Variants in SCFD1 observed in about 807,000 individuals in gnomAD.
SCFD1 encodes the protein sec1 family domain containing 1.
SCFD1 carries 37 observed loss-of-function variants against 103.2 expected under a neutral mutation model. The ratio of observed to expected loss-of-function variants is 0.36; its 90% CI spans 0.28 to 0.47. SCFD1 has a LOEUF of 0.47. SCFD1 is among the 20% of genes least tolerant of loss of function. The pLI is 1.00. For missense variants in SCFD1, 639 were observed against 761.2 expected, an observed-to-expected ratio of 0.84 and a Z score of 1.89; for synonymous variants, 264 against 245.0, an observed-to-expected ratio of 1.08 and a Z score of -0.73.
intron 1 of SCFD1, among the ~76,000 whole-genome samples, chr14:30,622,630 T>C (rs1594530266): frequency 6.6e-6 from 1 of 152,144 alleles, no homozygotes; most frequent in Non-Finnish European, 1.5e-5. Context: ...GCTACGGCCC[T>C]GCTCTTGTCT....
At chr14:30,692,665 G>A (rs375875589) in intron 14 of SCFD1, among the ~76,000 whole-genome samples, 3 of 152,270 alleles carry the variant, frequency 2.0e-5, no homozygotes, top group East Asian at 3.9e-4. Context: ...TGTGACTAGC[G>A]GAAACTGAAT....
rs375071891 is a variant in SCFD1 at position 30,634,598 on chromosome 14, T to C, written c.312+561T>C. 5.9e-5 allele frequency among the ~76,000 whole-genome samples: 9 copies of C among 152,330 alleles called. No homozygotes were observed. The South Asian group carries it at 1.9e-3, about 32-fold the overall frequency. ...TACTGGTAAAGTCTGAGTCTGGCTT[T>C]AACAAACAGAAAGCCTAGGTATATT... On this transcript the variant is annotated intron_variant, in intron 4 of 24. Transcript: ENST00000458591.
At chr14:30,718,987 G>A (rs1046066959) in intron 20 of SCFD1, among the ~76,000 whole-genome samples, 7 of 152,166 alleles carry the variant, frequency 4.6e-5, no homozygotes, top group Non-Finnish European at 2.9e-5. Flanking sequence ...AAGAACTTGG[G>A]CATTGAAAAT....
chr14:30,628,312 G>T, intron 2 of SCFD1, 33 bp downstream of exon 2: 5 of 1,428,572 alleles, frequency 3.5e-6, no homozygotes, highest in Non-Finnish European at 4.9e-6. Flanking sequence ...ACTGATTTCT[G>T]TTTTTCTCAG....
chr14:30,719,973 G>T (rs971615455), intron 21 of SCFD1, among the ~76,000 whole-genome samples: 2 of 133,176 alleles, frequency 1.5e-5, no homozygotes, highest in Non-Finnish European at 3.2e-5. Context: ...GGGGGGTGGG[G>T]GGCGGGAATA....
At chr14:30,675,548 G>T (rs529445185) in intron 14 of SCFD1, among the ~76,000 whole-genome samples, 1 of 152,090 alleles carries the variant, frequency 6.6e-6, no homozygotes, top group Non-Finnish European at 1.5e-5. Flanking sequence ...AAGTATGTTG[G>T]GAGTTCTATA....
intron 23 of SCFD1, among the ~76,000 whole-genome samples, chr14:30,728,323 A>G (rs1167150024): frequency 6.6e-6 from 1 of 152,240 alleles, no homozygotes; most frequent in Non-Finnish European, 1.5e-5. Flanking sequence ...AGTCTGTGGT[A>G]GATAATGGTT....
At chr14:30,625,227 G>T (rs202155596) in intron 1 of SCFD1, among the ~76,000 whole-genome samples, 5,936 of 120,910 alleles carry the variant, frequency 0.049, 145 homozygotes, top group East Asian at 0.086. Context: ...TTGAATGAAT[G>T]AATAGTGTGT....
chr14:30,710,194 ATC>A (rs1891766256), intron 19 of SCFD1, among the ~76,000 whole-genome samples: 1 of 152,038 alleles, frequency 6.6e-6, no homozygotes, highest in Admixed American at 6.6e-5. Flanking sequence ...ATGATCTTAC[ATC>A]TCTGTTTTTT....
intron 11 of SCFD1, 56 bp from the exon 12 acceptor site, chr14:30,673,201 C>T: frequency 1.3e-6 from 1 of 750,290 alleles, no homozygotes; most frequent in South Asian, 2.1e-5. Flanking sequence ...TTAGAATTTA[C>T]ACAAAAATTG....
chr14:30,666,616 G>A (rs1887996900), intron 10 of SCFD1, among the ~76,000 whole-genome samples: 1 of 152,080 alleles, frequency 6.6e-6, no homozygotes, highest in Non-Finnish European at 1.5e-5. Flanking sequence ...TCCAGGAGCT[G>A]GTTTTTTGAA....
At chr14:30,733,067 G>A (rs927253608) in intron 23 of SCFD1, among the ~76,000 whole-genome samples, 9 of 150,644 alleles carry the variant, frequency 6.0e-5, no homozygotes, top group South Asian at 2.1e-4. Context: ...GTGCAGTGGC[G>A]CAGTCTTGGC....
In SCFD1 at chr14:30,709,654, C is replaced by G. The variant is rs542101279; in HGVS notation, c.1629+1589C>G. Among the ~76,000 whole-genome samples, 7 of 152,304 alleles carry G rather than the reference C, an allele frequency of 4.6e-5. No individual in the cohort carries two copies. In the South Asian group the frequency reaches 1.5e-3, roughly 32 times the overall value. ...GTAGTACTGTCGAGAATCAGCTTATCTTCACCCTCTTAGACTATATGTGAA... is the reference window on the plus strand; with the variant it reads ...GTAGTACTGTCGAGAATCAGCTTATGTTCACCCTCTTAGACTATATGTGAA... On this transcript the variant is annotated intron_variant, in intron 19 of 24. Transcript: ENST00000458591.
At position 30,656,578 on chromosome 14, in the gene SCFD1, A is replaced by C. The variant is rs1886927608; in HGVS notation, c.855+2990A>C. Among the ~76,000 whole-genome samples the C allele has an allele frequency of 2.0e-5, 3 of 152,144 alleles. No homozygotes were observed. The South Asian group carries it at 6.2e-4, about 31-fold the overall frequency. ...ACACGCCAATTATACCCCGGGTGGCAGAAAGGGGCAAAATTGCCCAATTGA... is the reference window on the plus strand; with the variant it reads ...ACACGCCAATTATACCCCGGGTGGCCGAAAGGGGCAAAATTGCCCAATTGA... On this transcript the variant is annotated intron_variant, in intron 10 of 24. Coordinates refer to ENST00000458591, the MANE Select transcript of SCFD1 (RefSeq NM_016106.4).
At position 30,721,338 on chromosome 14, in the gene SCFD1, G is replaced by A. The variant is rs192108610; in HGVS notation, c.1737-546G>A. Among the ~76,000 whole-genome samples, 175 of 152,026 alleles carry A rather than the reference G, an allele frequency of 1.2e-3. 1 individual carries two copies. Among genetic ancestry groups the A allele is most frequent in the Admixed American group, 2.2e-3 (34 of 15,260 alleles). On this transcript the variant is annotated intron_variant, in intron 21 of 24. Coordinates refer to ENST00000458591, the MANE Select transcript of SCFD1 (RefSeq NM_016106.4). ...CACTCAAATATGTAAGTCTAGACTCGCAAAAGCTTTGAAAAATGTCTTTAT... is the reference window on the plus strand; with the variant it reads ...CACTCAAATATGTAAGTCTAGACTCACAAAAGCTTTGAAAAATGTCTTTAT...
chr14:30,724,072 TAAAAAAAAAA>T (rs59654790), intron 23 of SCFD1, among the ~76,000 whole-genome samples: 5 of 91,358 alleles, frequency 5.5e-5, no homozygotes, highest in African/African-American at 2.5e-4. Context: ...ACCAGTATCT[TAAAAAAAAAA>T]AAAAAAAAAA....
Position 30,633,985 on chromosome 14 carries a change from C to T in SCFD1, c.260C>T (p.Pro87Leu). 1.2e-6 allele frequency: 2 copies of T among 1,604,330 alleles called. No individual in the cohort carries two copies. Among genetic ancestry groups the T allele is most frequent in the Non-Finnish European group, 1.7e-6 (2 of 1,173,772 alleles). The stretch of plus-strand genomic sequence containing the variant: ...GATCGAGATCCTATTCCAGATGTTC[C>T]TGCAGTATACTTTGTAATGCCAACT... ...HSDRDPIPDVPAVYFVMPTEE... is the reference protein window; with the variant it reads ...HSDRDPIPDVLAVYFVMPTEE... Residue 87 changes from proline (P) to leucine (L), a missense_variant, in exon 4 of 25, where the codon CCT (proline) becomes CTT (leucine). Transcript: ENST00000458591.
intron 1 of SCFD1, among the ~76,000 whole-genome samples, chr14:30,627,110 ACT>A (rs940031232): frequency 3.9e-5 from 6 of 152,222 alleles, no homozygotes; most frequent in South Asian, 4.1e-4. Flanking sequence ...CAACTAGTAT[ACT>A]CTCTTGAATA....
intron 5 of SCFD1, among the ~76,000 whole-genome samples, chr14:30,638,962 A>G (rs1157692228): frequency 1.3e-5 from 2 of 152,206 alleles, no homozygotes; most frequent in African/African-American, 2.4e-5. Flanking sequence ...GTTAGAGTTA[A>G]ATAGACCACT....
Sources: allele counts gnomAD v4.1 joint callset (sites outside exome capture counted in the v4.1 genomes callset), GRCh38; gene constraint gnomAD v4.1.1; transcripts MANE v1.5; gene names NCBI Gene and HGNC (gene_info 2026-07-23, HGNC 2026-07-21).